The following UBR1 variants were observed in gnomAD, a reference collection of about 807,000 sequenced individuals.
UBR1 encodes ubiquitin protein ligase E3 component n-recognin 1.
A neutral mutation model predicts 242.1 loss-of-function variants in UBR1; 102 were observed. That is an observed-to-expected ratio of 0.42 (90% CI 0.36 to 0.50). UBR1 has a LOEUF of 0.50. UBR1 is among the 20% of genes least tolerant of loss of function. UBR1 has a pLI of 0.01. For missense variants in UBR1, 1,772 were observed against 2,101.8 expected (o/e 0.84, Z 3.07); for synonymous variants, 675 against 684.8 (o/e 0.99, Z 0.22).
chr15:43,017,314 G>C, intron 27 of UBR1, 133 bp from the exon 28 acceptor site: 10 of 663,194 alleles, frequency 1.5e-5, no homozygotes, highest in Non-Finnish European at 2.6e-6. Flanking sequence ...AATATATGAA[G>C]AAAAAAAGTG....
At chr15:43,105,830 A>G (rs1165450270) in intron 1 of UBR1, 112 bp downstream of exon 1, 1 of 1,041,488 alleles carries the variant, frequency 9.6e-7, no homozygotes, top group Non-Finnish European at 1.5e-6. Flanking sequence ...AGATCAATCC[A>G]GATAACTCCC....
At chr15:43,061,983 A>T (rs34038249) in intron 6 of UBR1, among the ~76,000 whole-genome samples, 4,751 of 152,244 alleles carry the variant, frequency 0.031, 110 homozygotes, top group Non-Finnish European at 0.044. Flanking sequence ...GTAAAAAAAA[A>T]AATAATAATA....
chr15:43,031,808 G>A (rs192238906), intron 20 of UBR1, among the ~76,000 whole-genome samples: 20 of 152,290 alleles, frequency 1.3e-4, no homozygotes, highest in African/African-American at 4.3e-4. Context: ...AGATCATGAG[G>A]TCAGGAGTTC....
chr15:43,018,292 C>T (rs1464111762), intron 27 of UBR1, among the ~76,000 whole-genome samples: 4 of 152,130 alleles, frequency 2.6e-5, no homozygotes, highest in Admixed American at 6.5e-5. Context: ...TGAGCCATCG[C>T]GCCCAGCTAT....
In UBR1 at chr15:42,954,933, C is replaced by G. The variant is rs185854837; in HGVS notation, c.4836-2485G>C. Among the ~76,000 whole-genome samples the G allele has an allele frequency of 1.0e-3, 156 of 152,102 alleles. 2 individuals are homozygous for G. In the East Asian group the frequency reaches 0.022, roughly 21 times the overall value. On this transcript the variant is annotated intron_variant, in intron 44 of 46. Coordinates refer to ENST00000290650, the MANE Select transcript of UBR1 (RefSeq NM_174916.3). ...TCTGTAATCCCAGCACTTTGAGAGG[C>G]TGAAGTGGGTGGATCACGAGGTCAG...
At chr15:43,020,988 T>C in intron 27 of UBR1, 1 of 332,546 alleles carries the variant, frequency 3.0e-6, no homozygotes, top group South Asian at 2.9e-5. Flanking sequence ...TCCATGATAG[T>C]AAGCACCTTG....
At chr15:43,052,046 C>CA (rs1350297047) in intron 12 of UBR1, among the ~76,000 whole-genome samples, 1 of 152,140 alleles carries the variant, frequency 6.6e-6, no homozygotes, top group African/African-American at 2.4e-5. Flanking sequence ...TCCCAAAAAG[C>CA]AAGTGACAAA....
Position 42,978,016 on chromosome 15 carries a change from TA to T in UBR1, c.4151-70del. The T allele has an allele frequency of 6.7e-6, 8 of 1,193,172 alleles. No individual in the cohort carries two copies. The Middle Eastern group carries it at 1.6e-3, about 244-fold the overall frequency. 73.9% of individuals were successfully genotyped at this position (1,193,172 alleles called of 1,614,324 possible). ...CAGTGTAGGTAAATAAAATGCAAGCTAAAAACACCTAAACCAAACATATAAC... is the reference window on the plus strand; with the variant it reads ...CAGTGTAGGTAAATAAAATGCAAGCTAAAACACCTAAACCAAACATATAAC... On this transcript the variant is annotated intron_variant, in intron 37 of 46. Transcript: ENST00000290650.
chr15:43,038,623 T>C (rs957959606), intron 15 of UBR1, among the ~76,000 whole-genome samples: 2 of 152,064 alleles, frequency 1.3e-5, no homozygotes, highest in South Asian at 4.2e-4. Context: ...TTGTGTGAGT[T>C]AAATGTATGT....
intron 46 of UBR1, 139 bp from the exon 47 acceptor site, chr15:42,945,609 T>C: frequency 1.2e-6 from 1 of 835,374 alleles, no homozygotes; most frequent in African/African-American, 3.6e-5. Context: ...AAAGGGATAT[T>C]TTCCCTTCAC....
chr15:43,046,565 T>C (rs888547434), intron 14 of UBR1, among the ~76,000 whole-genome samples: 3 of 152,008 alleles, frequency 2.0e-5, no homozygotes, highest in African/African-American at 7.2e-5. Flanking sequence ...AAAAGACCAA[T>C]AGTGAAGACG....
At chr15:43,043,594 G>A (rs2033447233) in intron 14 of UBR1, among the ~76,000 whole-genome samples, 199 bp from the exon 15 acceptor site, 1 of 152,062 alleles carries the variant, frequency 6.6e-6, no homozygotes, top group Non-Finnish European at 1.5e-5. Context: ...GGGACTACAG[G>A]CGCGTGCCAC....
At chr15:43,035,117 C>T (rs1355898046) in intron 19 of UBR1, among the ~76,000 whole-genome samples, 1 of 151,944 alleles carries the variant, frequency 6.6e-6, no homozygotes, top group Non-Finnish European at 1.5e-5. Flanking sequence ...TAATTGTGTA[C>T]TTATTTCATG....
At chr15:43,012,206 GAC>G (rs1368750242) in intron 29 of UBR1, among the ~76,000 whole-genome samples, 1 of 148,448 alleles carries the variant, frequency 6.7e-6, no homozygotes, top group African/African-American at 2.5e-5. Flanking sequence ...CAGCCTGGGC[GAC>G]AGAGTGAGAT....
At chr15:43,082,614 G>C in intron 3 of UBR1, 24 bp downstream of exon 3, 1 of 1,600,166 alleles carries the variant, frequency 6.2e-7, no homozygotes. Flanking sequence ...TGCTTATTCA[G>C]AGGTTATGGT....
rs555017464 is a variant in UBR1 at position 43,104,797 on chromosome 15, C to G, written c.81+1145G>C. Reference sequence around the variant, plus strand: ...GGTGGATCACCTGAGGTCAGGAGTTCGAGATCAGCCTGGCCAACATGGTGA... The same window carrying G: ...GGTGGATCACCTGAGGTCAGGAGTTGGAGATCAGCCTGGCCAACATGGTGA... On this transcript the variant is annotated intron_variant, in intron 1 of 46. Coordinates refer to ENST00000290650, the MANE Select transcript of UBR1 (RefSeq NM_174916.3). 1.2e-4 allele frequency among the ~76,000 whole-genome samples: 18 copies of G among 151,664 alleles called. No individual in the cohort carries two copies. The South Asian group carries it at 3.3e-3, about 28-fold the overall frequency.
At chr15:42,986,091 C>T (rs1294331850) in intron 35 of UBR1, among the ~76,000 whole-genome samples, 2 of 150,758 alleles carry the variant, frequency 1.3e-5, no homozygotes, top group African/African-American at 4.9e-5. Flanking sequence ...TCCTAAATTA[C>T]TCTTATTTTC....
Position 42,966,196 on chromosome 15 carries a change from G to GA in UBR1, c.4547dup (p.His1517ProfsTer10). 1.9e-6 allele frequency: 3 copies of GA among 1,614,098 alleles called. No individual in the cohort carries two copies. Among genetic ancestry groups the GA allele is most frequent in the Non-Finnish European group, 2.5e-6 (3 of 1,180,032 alleles). Reference sequence around the variant, plus strand: ...GCGGAGTTACCCCAAGTAAATAGTGGAAAAACAATGCAGCACAGCGAAGAT... The same window carrying GA: ...GCGGAGTTACCCCAAGTAAATAGTGGAAAAAACAATGCAGCACAGCGAAGAT... On this transcript the variant is annotated frameshift_variant, in exon 41 of 47. Transcript: ENST00000290650. LOFTEE classifies it high-confidence loss of function.
chr15:42,998,034 C>T (rs1310339403), intron 33 of UBR1, 134 bp downstream of exon 33: 18 of 791,240 alleles, frequency 2.3e-5, no homozygotes, highest in Non-Finnish European at 3.0e-5. Flanking sequence ...TTATTTTTAG[C>T]TTCAAAAACT....
Sources: allele counts gnomAD v4.1 joint callset (sites outside exome capture counted in the v4.1 genomes callset), GRCh38; gene constraint gnomAD v4.1.1; transcripts MANE v1.5; gene names NCBI Gene and HGNC (gene_info 2026-07-23, HGNC 2026-07-21).